The following PRR16 variants were observed in gnomAD, a reference collection of about 807,000 sequenced individuals.
The protein encoded by PRR16 is protein Largen.
In PRR16, 6 loss-of-function variants were observed where a neutral mutation model predicts 18.2. That is an observed-to-expected ratio of 0.33 (90% CI 0.18 to 0.65). The LOEUF (loss-of-function observed/expected upper bound fraction) is 0.65. Ranked by LOEUF, PRR16 falls within the 30% of genes least tolerant of loss-of-function variation. The pLI, the probability that PRR16 is intolerant of heterozygous loss-of-function variation, is 0.74. For synonymous variants in PRR16, 151 were observed against 147.8 expected (o/e 1.02, Z -0.16); for missense variants, 412 against 376.6 (o/e 1.09, Z -0.78).
At chr5:120,500,763 A>C (rs1750423032) in intron 1 of PRR16, among the ~76,000 whole-genome samples, 1 of 152,178 alleles carries the variant, frequency 6.6e-6, no homozygotes, top group Non-Finnish European at 1.5e-5. Flanking sequence ...ATTTTACTAA[A>C]GGACATAACA....
At chr5:120,691,418 C>G (rs913748250), downstream of PRR16, among the ~76,000 whole-genome samples, 12 of 152,224 alleles carry the variant, frequency 7.9e-5, no homozygotes, top group African/African-American at 2.6e-4. Context: ...ATAATGAAAG[C>G]TTCATTTTCT....
chr5:120,703,239 C>T, the PRR16 span, among the ~76,000 whole-genome samples: 1 of 152,120 alleles, frequency 6.6e-6, no homozygotes, highest in Non-Finnish European at 1.5e-5. Flanking sequence ...AATGTCATCA[C>T]TTAAGGCAAG....
At chr5:120,708,413 CTTTTTA>C in the PRR16 span, among the ~76,000 whole-genome samples, 1 of 152,296 alleles carries the variant, frequency 6.6e-6, no homozygotes, top group African/African-American at 2.4e-5. Flanking sequence ...CTTTTATCCT[CTTTTTA>C]TAATAGCAGT....
chr5:120,649,609 A>G (rs1328564416), intron 1 of PRR16, among the ~76,000 whole-genome samples: 5 of 152,164 alleles, frequency 3.3e-5, no homozygotes, highest in Non-Finnish European at 7.4e-5. Context: ...TTACTGAATG[A>G]CATTAAAAAG....
the PRR16 span, among the ~76,000 whole-genome samples, chr5:120,718,201 T>C: frequency 6.6e-6 from 1 of 152,140 alleles, no homozygotes; most frequent in Admixed American, 6.6e-5. Context: ...ACCTAGAGTT[T>C]AATATTCATT....
chr5:120,753,865 ATATAT>A, the PRR16 span, among the ~76,000 whole-genome samples: 7 of 62,444 alleles, frequency 1.1e-4, no homozygotes, highest in Admixed American at 2.2e-4. Flanking sequence ...ATAATATCTT[ATATAT>A]TATATATTTA....
chr5:120,597,724 A>G (rs1217286183), intron 1 of PRR16, among the ~76,000 whole-genome samples: 3 of 151,828 alleles, frequency 2.0e-5, no homozygotes, highest in Non-Finnish European at 4.4e-5. Context: ...CTGGATATTT[A>G]GGAGCGTGAT....
chr5:120,606,979 A>G (rs1211330061), intron 1 of PRR16, among the ~76,000 whole-genome samples: 2 of 152,196 alleles, frequency 1.3e-5, no homozygotes, highest in African/African-American at 2.4e-5. Context: ...GGCATTTAAC[A>G]ATGCAAAGAT....
the PRR16 span, among the ~76,000 whole-genome samples, chr5:120,717,725 C>T: frequency 2.6e-5 from 4 of 152,078 alleles, no homozygotes; most frequent in Non-Finnish European, 5.9e-5. Context: ...CCCTCATCTG[C>T]GGCTCTCTGT....
the PRR16 span, among the ~76,000 whole-genome samples, chr5:120,766,012 G>GA: frequency 6.6e-6 from 1 of 151,888 alleles, no homozygotes; most frequent in East Asian, 1.9e-4. Flanking sequence ...GTGTTTATAG[G>GA]TATAGTTAAT....
At chr5:120,791,495 T>C in the PRR16 span, among the ~76,000 whole-genome samples, 2 of 151,808 alleles carry the variant, frequency 1.3e-5, no homozygotes, top group African/African-American at 2.4e-5. Context: ...GGAATTCTGT[T>C]TAGAACATAA....
At chr5:120,654,852 A>T (rs981521554) in intron 1 of PRR16, among the ~76,000 whole-genome samples, 1 of 151,932 alleles carries the variant, frequency 6.6e-6, no homozygotes, top group Non-Finnish European at 1.5e-5. Context: ...AGGGAAAAAA[A>T]GATAAAAACA....
intron 1 of PRR16, among the ~76,000 whole-genome samples, chr5:120,571,495 A>T (rs1358681602): frequency 6.6e-6 from 1 of 152,076 alleles, no homozygotes; most frequent in Non-Finnish European, 1.5e-5. Context: ...TGTTGTGAAG[A>T]CCTGGCTATT....
chr5:120,718,841 A>C, the PRR16 span, among the ~76,000 whole-genome samples: 3 of 152,104 alleles, frequency 2.0e-5, no homozygotes, highest in Non-Finnish European at 4.4e-5. Context: ...TTTACAGTGT[A>C]GTGTGGGGAA....
At chr5:120,566,220 C>G (rs1421402754) in intron 1 of PRR16, among the ~76,000 whole-genome samples, 1 of 152,204 alleles carries the variant, frequency 6.6e-6, no homozygotes, top group Non-Finnish European at 1.5e-5. Flanking sequence ...TCACCCTTGT[C>G]TCTGTGTGAT....
At chr5:120,614,026 A>G (rs1366129607) in intron 1 of PRR16, among the ~76,000 whole-genome samples, 2 of 152,180 alleles carry the variant, frequency 1.3e-5, no homozygotes, top group Non-Finnish European at 2.9e-5. Context: ...TTTCACACAC[A>G]CAGATTCAAT....
chr5:120,652,061 A>G (rs978248454), intron 1 of PRR16, among the ~76,000 whole-genome samples: 1 of 152,088 alleles, frequency 6.6e-6, no homozygotes, highest in Non-Finnish European at 1.5e-5. Flanking sequence ...TGTAAGTCAA[A>G]TGATTTTTAT....
intron 1 of PRR16, among the ~76,000 whole-genome samples, chr5:120,531,110 C>G (rs900271844): frequency 6.6e-6 from 1 of 152,162 alleles, no homozygotes; most frequent in Non-Finnish European, 1.5e-5. Flanking sequence ...TATACTAGCT[C>G]AGAAAATTAG....
chr5:120,589,276 T>G (rs999184395), intron 1 of PRR16, among the ~76,000 whole-genome samples: 1 of 152,268 alleles, frequency 6.6e-6, no homozygotes, highest in East Asian at 1.9e-4. Flanking sequence ...GCCTAATTTC[T>G]TATTGGCTCC....
Sources: gnomAD v4.1 joint callset for allele counts (sites outside exome capture counted in the v4.1 genomes callset) on GRCh38, gnomAD v4.1.1 for gene constraint, MANE v1.5 for transcripts, NCBI Gene and HGNC (gene_info 2026-07-23, HGNC 2026-07-21) for gene names.